The following TCF20 variants were observed in gnomAD, a reference collection of about 807,000 sequenced individuals.
The protein encoded by TCF20 is SPRE-binding protein.
In TCF20, 3 loss-of-function variants were observed where a neutral mutation model predicts 148.6. The observed-to-expected ratio is 0.02, with a 90% CI of 0.01 to 0.05. The LOEUF is 0.05. TCF20 is among the 10% of genes least tolerant of loss of function. The pLI, the probability that TCF20 is intolerant of heterozygous loss-of-function variation, is 1.00. For synonymous variants in TCF20, 1,049 were observed against 909.5 expected (o/e 1.15, Z -2.76); for missense variants, 2,350 against 2,429.3 (o/e 0.97, Z 0.69).
At chr22:42,175,690 T>C (rs1936406938) in intron 3 of TCF20, among the ~76,000 whole-genome samples, 1 of 152,122 alleles carries the variant, frequency 6.6e-6, no homozygotes, top group African/African-American at 2.4e-5. Flanking sequence ...CTACAGAATA[T>C]GGCAGACCAT....
At chr22:42,282,827 G>A (rs1294747829) in intron 1 of TCF20, among the ~76,000 whole-genome samples, 3 of 152,124 alleles carry the variant, frequency 2.0e-5, no homozygotes, top group Non-Finnish European at 4.4e-5. Flanking sequence ...CGGCCTGTCT[G>A]TCTCCAGCTC....
At chr22:42,202,759 C>T (rs559617502) in intron 2 of TCF20, among the ~76,000 whole-genome samples, 2 of 152,290 alleles carry the variant, frequency 1.3e-5, no homozygotes, top group African/African-American at 2.4e-5. Flanking sequence ...TTGGAAAAAT[C>T]GAAGCCCTAG....
At chr22:42,243,084 C>T (rs1924582844) in intron 1 of TCF20, among the ~76,000 whole-genome samples, 1 of 151,622 alleles carries the variant, frequency 6.6e-6, no homozygotes, top group South Asian at 2.1e-4. Context: ...CAGGTGACTC[C>T]TGGGATAGTG....
At chr22:42,320,415 G>A (rs1006378610) in intron 1 of TCF20, among the ~76,000 whole-genome samples, 1 of 152,144 alleles carries the variant, frequency 6.6e-6, no homozygotes, top group African/African-American at 2.4e-5. Context: ...ACGCACAGGG[G>A]CTGGACACCA....
intron 2 of TCF20, among the ~76,000 whole-genome samples, chr22:42,191,622 C>T (rs1368458259): frequency 2.6e-5 from 4 of 152,160 alleles, no homozygotes; most frequent in Non-Finnish European, 4.4e-5. Context: ...ATATATACTC[C>T]ATTAAAATAA....
chr22:42,225,431 G>A (rs1273287017), intron 1 of TCF20, among the ~76,000 whole-genome samples: 1 of 150,934 alleles, frequency 6.6e-6, no homozygotes, highest in Non-Finnish European at 1.5e-5. Flanking sequence ...TGGCTAACAA[G>A]GTGAAACCCC....
chr22:42,189,011 G>A (rs931328635), intron 2 of TCF20, among the ~76,000 whole-genome samples: 1 of 152,172 alleles, frequency 6.6e-6, no homozygotes, highest in African/African-American at 2.4e-5. Context: ...GAGCTACCTG[G>A]GGGGAAGGGG....
intron 1 of TCF20, among the ~76,000 whole-genome samples, chr22:42,218,479 ACTC>A (rs2147237138): frequency 1.3e-5 from 2 of 152,200 alleles, no homozygotes; most frequent in South Asian, 4.2e-4. Context: ...CTCCTGCTCT[ACTC>A]CTCAGTGCCA....
upstream of TCF20, chr22:42,274,609 G>C (rs756338503): frequency 6.6e-6 from 1 of 152,322 alleles, no homozygotes; most frequent in Non-Finnish European, 1.5e-5. Flanking sequence ...GTGGGATCCT[G>C]CAGGGCCTTA....
intron 2 of TCF20, among the ~76,000 whole-genome samples, chr22:42,184,695 T>C (rs1958395735): frequency 6.6e-6 from 1 of 152,162 alleles, no homozygotes; most frequent in African/African-American, 2.4e-5. Flanking sequence ...CCAAGCATGA[T>C]TTCTAAATTA....
chr22:42,174,925 CTG>C (rs1936355498), intron 3 of TCF20, among the ~76,000 whole-genome samples: 2 of 151,862 alleles, frequency 1.3e-5, no homozygotes, highest in Non-Finnish European at 2.9e-5. Flanking sequence ...GTCCCAGCTG[CTG>C]GGGCGGCTGA....
chr22:42,163,186 C>A (rs1324800840), intron 5 of TCF20, among the ~76,000 whole-genome samples: 1 of 152,322 alleles, frequency 6.6e-6, no homozygotes, highest in South Asian at 2.1e-4. Flanking sequence ...AGAACAGGAC[C>A]CCACACCAGC....
At chr22:42,182,494 G>C (rs192263047) in intron 2 of TCF20, among the ~76,000 whole-genome samples, 1 of 152,182 alleles carries the variant, frequency 6.6e-6, no homozygotes, top group Non-Finnish European at 1.5e-5. Flanking sequence ...AAGAGAAGAC[G>C]TGGAGCTTAG....
chr22:42,200,641 CAAAA>C (rs34605295), intron 2 of TCF20, among the ~76,000 whole-genome samples: 5 of 96,504 alleles, frequency 5.2e-5, no homozygotes, highest in African/African-American at 1.3e-4. Flanking sequence ...GACTTCGTCT[CAAAA>C]AAAAAAAAAA....
At chr22:42,247,710 G>T (rs1326860041) in intron 1 of TCF20, among the ~76,000 whole-genome samples, 1 of 152,116 alleles carries the variant, frequency 6.6e-6, no homozygotes, top group Non-Finnish European at 1.5e-5. Context: ...GAAGACACTA[G>T]ACCAGGGACT....
intron 1 of TCF20, among the ~76,000 whole-genome samples, chr22:42,245,816 G>A (rs982158643): frequency 5.3e-5 from 8 of 152,024 alleles, no homozygotes; most frequent in East Asian, 1.9e-4. Context: ...GTCTCACTAC[G>A]TTGCCCAGAC....
chr22:42,283,423 A>T (rs1486250933), intron 1 of TCF20, among the ~76,000 whole-genome samples: 1 of 151,520 alleles, frequency 6.6e-6, no homozygotes, highest in Non-Finnish European at 1.5e-5. Flanking sequence ...ACCGGAGGGG[A>T]CGGGGGCGGG....
chr22:42,322,550 G>A (rs1225356388), intron 1 of TCF20, among the ~76,000 whole-genome samples: 3 of 151,878 alleles, frequency 2.0e-5, no homozygotes, highest in African/African-American at 7.2e-5. Flanking sequence ...AGGAGAGGAA[G>A]GACGTTCGTT....
At chr22:42,255,582 A>G (rs1189477691) in intron 1 of TCF20, among the ~76,000 whole-genome samples, 3 of 152,156 alleles carry the variant, frequency 2.0e-5, no homozygotes, top group Admixed American at 2.0e-4. Flanking sequence ...ATGCTTGCCG[A>G]CCTGTTTTGG....
Sources: allele counts gnomAD v4.1 joint callset (sites outside exome capture counted in the v4.1 genomes callset), GRCh38; gene constraint gnomAD v4.1.1; transcripts MANE v1.5; gene names NCBI Gene and HGNC (gene_info 2026-07-23, HGNC 2026-07-21).